Variants in CLIC2 observed in about 807,000 individuals in gnomAD.
CLIC2 encodes CLIC family member 2.
In CLIC2, 9 loss-of-function variants were observed where a neutral mutation model predicts 14.8. The observed-to-expected ratio is 0.61, with a 90% confidence interval of 0.37 to 1.06. The LOEUF (loss-of-function observed/expected upper bound fraction) is 1.06, where lower values mean the gene tolerates loss of function less well. Ranked by LOEUF, CLIC2 falls within the 50% of genes least tolerant of loss-of-function variation. The pLI is 0.01. For missense variants in CLIC2, 148 were observed against 181.4 expected (o/e 0.82, Z 1.06); for synonymous variants, 61 against 66.3 (o/e 0.92, Z 0.39).
At chrX:155,293,127 G>A (rs2074980590) in intron 3 of CLIC2, 1 of 632,552 alleles carries the variant, frequency 1.6e-6, no homozygotes, top group Admixed American at 2.2e-5. Flanking sequence ...ATGAGAAGCG[G>A]AAAAATAAAG....
At chrX:155,305,443 T>C (rs1557319910) in intron 1 of CLIC2, among the ~76,000 whole-genome samples, 1 of 112,182 alleles carries the variant, frequency 8.9e-6, no homozygotes, top group Non-Finnish European at 1.9e-5. Flanking sequence ...TCGCGCACGG[T>C]GCACGCACCC....
chrX:155,325,891 G>T (rs2075136030), intron 1 of CLIC2, among the ~76,000 whole-genome samples: 1 of 102,057 alleles, frequency 9.8e-6, no homozygotes, highest in Non-Finnish European at 2.0e-5. Flanking sequence ...GAAGGAATTG[G>T]AGACTATTAT....
At chrX:155,330,721 A>AATG (rs782031655) in intron 1 of CLIC2, among the ~76,000 whole-genome samples, 8 of 111,275 alleles carry the variant, frequency 7.2e-5, no homozygotes, top group Non-Finnish European at 1.3e-4. Flanking sequence ...CAGACATTGC[A>AATG]ATGACAAAGG....
At chrX:155,301,975 T>G (rs377326256) in intron 1 of CLIC2, among the ~76,000 whole-genome samples, 6 of 98,634 alleles carry the variant, frequency 6.1e-5, no homozygotes, top group Admixed American at 1.1e-4. Flanking sequence ...GCTGGATTCG[T>G]TTTGCCAGTA....
intron 3 of CLIC2, among the ~76,000 whole-genome samples, chrX:155,298,436 C>T (rs782713449): frequency 5.4e-5 from 6 of 111,303 alleles, no homozygotes; most frequent in South Asian, 3.8e-4. Flanking sequence ...TCTGTCATTT[C>T]GTCAGTGGTG....
chrX:155,309,257 G>C (rs1361052382), intron 1 of CLIC2, among the ~76,000 whole-genome samples: 1 of 111,966 alleles, frequency 8.9e-6, no homozygotes, highest in Non-Finnish European at 1.9e-5. Flanking sequence ...AGGGAGCTAA[G>C]ATTGTGCCAC....
At position 155,293,911 on chromosome X, in the gene CLIC2, G is replaced by C. The variant is rs1263144466; in HGVS notation, c.293+4874C>G. On this transcript the variant is annotated intron_variant, in intron 3 of 5. Coordinates refer to ENST00000369449, the MANE Select transcript of CLIC2 (RefSeq NM_001289.6). ...ATACTGGAGCATCCAGATTCATAAA[G>C]CAAACATTACTAGATCTAAAGGTAG... 5.4e-5 allele frequency among the ~76,000 whole-genome samples: 6 copies of C among 111,394 alleles called. No homozygotes were observed. The Admixed American group carries it at 5.7e-4, about 11-fold the overall frequency.
At chrX:155,300,541 G>C (rs1422747620) in intron 1 of CLIC2, among the ~76,000 whole-genome samples, 1 of 111,310 alleles carries the variant, frequency 9.0e-6, no homozygotes, top group Non-Finnish European at 1.9e-5. Flanking sequence ...TGTTGACTCT[G>C]ATGGTAGTTT....
intron 1 of CLIC2, among the ~76,000 whole-genome samples, chrX:155,316,538 G>A (rs1050425933): frequency 2.7e-5 from 3 of 111,195 alleles, no homozygotes; most frequent in African/African-American, 9.8e-5. Flanking sequence ...AATGAAGATG[G>A]AAATCAAAAA....
chrX:155,301,525 C>T (rs1369287283), intron 1 of CLIC2, among the ~76,000 whole-genome samples: 1 of 104,942 alleles, frequency 9.5e-6, no homozygotes, highest in Non-Finnish European at 2.0e-5. Context: ...CGTCTGCACA[C>T]AGGGACAATT....
chrX:155,329,898 G>C (rs868961275), intron 1 of CLIC2, among the ~76,000 whole-genome samples: 11 of 111,359 alleles, frequency 9.9e-5, no homozygotes, highest in Middle Eastern at 4.6e-3. Flanking sequence ...AACATGGATG[G>C]AACTGGACGT....
At chrX:155,304,902 G>T (rs1416880985) in intron 1 of CLIC2, among the ~76,000 whole-genome samples, 2 of 101,209 alleles carry the variant, frequency 2.0e-5, no homozygotes, top group Non-Finnish European at 4.1e-5. Flanking sequence ...GGGGGTCAGG[G>T]GTCAGGGACC....
chrX:155,328,756 G>A (rs1372380606), intron 1 of CLIC2, among the ~76,000 whole-genome samples: 1 of 110,619 alleles, frequency 9.0e-6, no homozygotes, highest in African/African-American at 3.3e-5. Flanking sequence ...AAAATGGCAT[G>A]GTCCTGGCAT....
rs980760001 is a variant in CLIC2, at chrX:155,293,353, T to C, written c.293+5432A>G. On this transcript the variant is annotated intron_variant, in intron 3 of 5. Transcript: ENST00000369449. ...TGGAATTTGTCTGAAGGGTAAGGAG[T>C]CCAACAAGAAAGGAAAGGCTGAATC... 3.6e-6 allele frequency: 4 copies of C among 1,117,383 alleles called. No individual in the cohort carries two copies. In the East Asian group the frequency reaches 1.2e-4, roughly 33 times the overall value. The allele number at this position is 1,117,383 out of a possible 1,213,427, so 92.1% of individuals were successfully genotyped here.
chrX:155,319,064 A>G (rs1557321320), intron 1 of CLIC2, among the ~76,000 whole-genome samples: 1 of 112,318 alleles, frequency 8.9e-6, no homozygotes, highest in Non-Finnish European at 1.9e-5. Flanking sequence ...ATAATTCAAG[A>G]TGAATCAAAG....
rs782747248 is a variant in CLIC2, at chrX:155,327,053, A to C, written c.57+7318T>G. Among the ~76,000 whole-genome samples the C allele has an allele frequency of 2.7e-5, 3 of 111,187 alleles. No individual in the cohort carries two copies. The South Asian group carries it at 1.1e-3, about 41-fold the overall frequency. On this transcript the variant is annotated intron_variant, in intron 1 of 5. Coordinates refer to ENST00000369449, the MANE Select transcript of CLIC2 (RefSeq NM_001289.6). Reference sequence around the variant, plus strand: ...TTTTCTTATCATACTATAGTTTTACAAGATGTTATCATTAAGGGAAACTTG... The same window carrying C: ...TTTTCTTATCATACTATAGTTTTACCAGATGTTATCATTAAGGGAAACTTG...
At chrX:155,327,046 G>A (rs1348753485) in intron 1 of CLIC2, among the ~76,000 whole-genome samples, 3 of 110,916 alleles carry the variant, frequency 2.7e-5, no homozygotes, top group African/African-American at 9.8e-5. Context: ...TCATACTATA[G>A]TTTTACAAGA....
intron 3 of CLIC2, among the ~76,000 whole-genome samples, chrX:155,296,531 A>G (rs2074992583): frequency 8.9e-6 from 1 of 112,160 alleles, no homozygotes; most frequent in South Asian, 3.6e-4. Flanking sequence ...TAAACTAAAA[A>G]GCTTCTGCAC....
At chrX:155,312,940 T>C (rs1312134409) in intron 1 of CLIC2, among the ~76,000 whole-genome samples, 1 of 110,957 alleles carries the variant, frequency 9.0e-6, no homozygotes, top group Non-Finnish European at 1.9e-5. Flanking sequence ...GACATGCATG[T>C]GGCCAATGAG....
Sources: allele counts gnomAD v4.1 joint callset (sites outside exome capture counted in the v4.1 genomes callset), GRCh38; gene constraint gnomAD v4.1.1; transcripts MANE v1.5; gene names NCBI Gene and HGNC (gene_info 2026-07-23, HGNC 2026-07-21).